The following TMEM132B variants were observed in gnomAD, a reference collection of about 807,000 sequenced individuals.
The protein encoded by TMEM132B is transmembrane protein 132B.
TMEM132B carries 18 observed loss-of-function variants against 90.8 expected under a neutral mutation model. That is an observed-to-expected ratio of 0.20 (90% CI 0.14 to 0.29). The LOEUF is 0.29. Among genes scored for constraint, TMEM132B ranks in the 10% least tolerant of loss-of-function variants. TMEM132B has a pLI of 1.00. For synonymous variants in TMEM132B, 504 were observed against 523.3 expected (o/e 0.96, Z 0.50); for missense variants, 1,096 against 1,326.8 (o/e 0.83, Z 2.70).
At chr12:125,201,663 A>G (rs1014493331) in intron 1 of TMEM132B, among the ~76,000 whole-genome samples, 1 of 152,208 alleles carries the variant, frequency 6.6e-6, no homozygotes, top group African/African-American at 2.4e-5. Flanking sequence ...TGGGTGAATT[A>G]CTTAATGTCT....
chr12:125,290,007 C>G (rs1049507791), intron 1 of TMEM132B, among the ~76,000 whole-genome samples: 28 of 152,244 alleles, frequency 1.8e-4, no homozygotes, highest in African/African-American at 6.7e-4. Context: ...CCCCTTAAAT[C>G]AAAGATATAC....
intron 1 of TMEM132B, among the ~76,000 whole-genome samples, chr12:125,199,045 C>A (rs1188338190): frequency 6.6e-6 from 1 of 152,200 alleles, no homozygotes; most frequent in Non-Finnish European, 1.5e-5. Flanking sequence ...TCTGGGAATT[C>A]TATATTGTAT....
At chr12:125,200,086 A>C (rs2136056110) in intron 1 of TMEM132B, among the ~76,000 whole-genome samples, 1 of 152,312 alleles carries the variant, frequency 6.6e-6, no homozygotes, top group African/African-American at 2.4e-5. Flanking sequence ...TGGAGAAAGG[A>C]CTTGAACCAC....
chr12:125,598,373 T>A (rs1382064233), intron 5 of TMEM132B, among the ~76,000 whole-genome samples: 2 of 152,014 alleles, frequency 1.3e-5, no homozygotes, highest in African/African-American at 4.8e-5. Context: ...CCTGCCCCAA[T>A]CCACAAAAGT....
intron 6 of TMEM132B, among the ~76,000 whole-genome samples, chr12:125,645,061 C>A (rs1354623145): frequency 6.6e-6 from 1 of 150,530 alleles, no homozygotes; most frequent in Non-Finnish European, 1.5e-5. Context: ...ACTAAAAATC[C>A]AAAAAAAATA....
At chr12:125,467,103 ACTT>A (rs1433146795) in intron 3 of TMEM132B, among the ~76,000 whole-genome samples, 3 of 152,114 alleles carry the variant, frequency 2.0e-5, no homozygotes, top group African/African-American at 7.2e-5. Flanking sequence ...GGGGAGAAGA[ACTT>A]CTCCTTCTTT....
chr12:125,549,752 AC>A (rs1884173254), intron 4 of TMEM132B, among the ~76,000 whole-genome samples: 2 of 152,192 alleles, frequency 1.3e-5, no homozygotes, highest in South Asian at 4.1e-4. Context: ...AAGAATTGCA[AC>A]CCTTTATCAA....
chr12:125,525,426 C>G (rs1432525995), intron 4 of TMEM132B, among the ~76,000 whole-genome samples: 1 of 152,206 alleles, frequency 6.6e-6, no homozygotes, highest in Non-Finnish European at 1.5e-5. Context: ...TTGGAGGAAG[C>G]TGGCTTAGGC....
intron 1 of TMEM132B, among the ~76,000 whole-genome samples, chr12:125,338,911 C>T (rs1319199053): frequency 2.6e-5 from 4 of 152,176 alleles, no homozygotes; most frequent in Admixed American, 2.6e-4. Context: ...AATTCCGTAT[C>T]CTTCTTTTTG....
At chr12:125,309,106 T>A (rs1876064843) in intron 1 of TMEM132B, among the ~76,000 whole-genome samples, 1 of 152,250 alleles carries the variant, frequency 6.6e-6, no homozygotes, top group Non-Finnish European at 1.5e-5. Flanking sequence ...CTGATGGGCT[T>A]GTAAACTGAT....
In TMEM132B at chr12:125,620,327, G is replaced by A. The variant is rs180916514; in HGVS notation, c.1438-23749G>A. Among the ~76,000 whole-genome samples, 23 of 152,338 alleles carry A rather than the reference G, an allele frequency of 1.5e-4. No individual in the cohort carries two copies. The East Asian group carries it at 4.4e-3, about 29-fold the overall frequency. Reference sequence around the variant, plus strand: ...ATATATTCTTGCTTGGGACAAAGCTGAGTAGGCAGAGCTGAATTGGCCTTT... The same window carrying A: ...ATATATTCTTGCTTGGGACAAAGCTAAGTAGGCAGAGCTGAATTGGCCTTT... On this transcript the variant is annotated intron_variant, in intron 5 of 8. Transcript: ENST00000682704.
intron 4 of TMEM132B, among the ~76,000 whole-genome samples, chr12:125,564,481 G>T (rs1174369226): frequency 6.6e-6 from 1 of 152,092 alleles, no homozygotes; most frequent in Non-Finnish European, 1.5e-5. Context: ...TTTTCTGTTC[G>T]GTTTTCTCAG....
intron 1 of TMEM132B, among the ~76,000 whole-genome samples, chr12:125,288,867 G>A (rs547628368): frequency 6.6e-6 from 1 of 152,130 alleles, no homozygotes; most frequent in Non-Finnish European, 1.5e-5. Context: ...TCACAGTGGG[G>A]TGCTGGGTGG....
chr12:125,543,991 A>G (rs908135656), intron 4 of TMEM132B, among the ~76,000 whole-genome samples: 1 of 152,264 alleles, frequency 6.6e-6, no homozygotes, highest in African/African-American at 2.4e-5. Context: ...AACTGTGTAC[A>G]TATAACACCA....
intron 4 of TMEM132B, among the ~76,000 whole-genome samples, chr12:125,561,718 T>C (rs79654159): frequency 3.9e-5 from 6 of 152,052 alleles, no homozygotes; most frequent in African/African-American, 1.2e-4. Context: ...TTTTTTTTTT[T>C]CCTGAACAGT....
At chr12:125,385,444 C>A (rs1415362263) in intron 2 of TMEM132B, among the ~76,000 whole-genome samples, 1 of 152,168 alleles carries the variant, frequency 6.6e-6, no homozygotes, top group Non-Finnish European at 1.5e-5. Flanking sequence ...AGCTTGGCAG[C>A]TGGAGGCTGC....
At position 125,314,372 on chromosome 12, in the gene TMEM132B, TG is replaced by T. The variant is rs1243880709; in HGVS notation, c.68-35077del. Among the ~76,000 whole-genome samples, 2 of 152,178 alleles carry T rather than the reference TG, an allele frequency of 1.3e-5. 1 individual carries two copies. The highest frequency in any genetic ancestry group is 4.8e-5 in the African/African-American group (2 of 41,432). ...TTCGGTACCAACTCTAGGCAGCAGATGGGAGGCTCTTTCTTTCCTTCTTGCT... is the reference window on the plus strand; with the variant it reads ...TTCGGTACCAACTCTAGGCAGCAGATGGAGGCTCTTTCTTTCCTTCTTGCT... On this transcript the variant is annotated intron_variant, in intron 1 of 8. Transcript: ENST00000682704.
At chr12:125,484,190 G>A (rs1393250334) in intron 3 of TMEM132B, among the ~76,000 whole-genome samples, 1 of 152,152 alleles carries the variant, frequency 6.6e-6, no homozygotes, top group African/African-American at 2.4e-5. Flanking sequence ...ATGAGCCACT[G>A]TGCCTTGCTT....
intron 1 of TMEM132B, among the ~76,000 whole-genome samples, chr12:125,326,025 G>A (rs1034433898): frequency 2.6e-5 from 4 of 152,154 alleles, no homozygotes; most frequent in African/African-American, 9.7e-5. Context: ...CCCATGTAGT[G>A]CAGTGACATT....
Sources: gnomAD v4.1 joint callset for allele counts (sites outside exome capture counted in the v4.1 genomes callset) on GRCh38, gnomAD v4.1.1 for gene constraint, MANE v1.5 for transcripts, NCBI Gene and HGNC (gene_info 2026-07-23, HGNC 2026-07-21) for gene names.